Variants in ZZZ3 observed in about 807,000 individuals in gnomAD.
ZZZ3 encodes zinc finger ZZ-type containing 3.
A neutral mutation model predicts 95.2 loss-of-function variants in ZZZ3; 22 were observed. The observed-to-expected ratio is 0.23, with a 90% CI of 0.17 to 0.33. The LOEUF (loss-of-function observed/expected upper bound fraction) is 0.33, where lower values mean the gene tolerates loss of function less well. ZZZ3 is among the 10% of genes least tolerant of loss of function. The pLI is 1.00. For synonymous variants in ZZZ3, 335 were observed against 358.9 expected (o/e 0.93, Z 0.75); for missense variants, 885 against 1,066.5 (o/e 0.83, Z 2.37).
chr1:77,602,329 T>C (rs144618961), intron 5 of ZZZ3, among the ~76,000 whole-genome samples: 28 of 152,372 alleles, frequency 1.8e-4, no homozygotes, highest in African/African-American at 6.0e-4. Flanking sequence ...ACTTCATGTA[T>C]TCTTCTATGT....
chr1:77,582,265 G>A (rs1662600130), intron 6 of ZZZ3, 139 bp from the exon 7 acceptor site: 2 of 680,106 alleles, frequency 2.9e-6, no homozygotes, highest in South Asian at 6.1e-5. Flanking sequence ...AAATCCAAGA[G>A]ACAATAAAGT....
In ZZZ3 at chr1:77,564,153, T is replaced by C. The variant is rs1570374784; in HGVS notation, c.*1487A>G. On this transcript the variant is annotated 3_prime_UTR_variant, in exon 15 of 15. Coordinates refer to ENST00000370801, the MANE Select transcript of ZZZ3 (RefSeq NM_015534.6). ...TTCAAAAGCCATCTGTTTAAATACA[T>C]GGGGGCTTATCTTCATGAGACACAA... 1 of 152,094 alleles carries C rather than the reference T, an allele frequency of 6.6e-6. No homozygotes were observed. Among genetic ancestry groups the C allele is most frequent in the East Asian group, 1.9e-4 (1 of 5,196 alleles). The allele number at this position is 152,094 out of a possible 1,614,324, so 9.4% of individuals were successfully genotyped here. A position where few individuals can be genotyped will look rare whatever the true frequency, so the allele number is the denominator to read the frequency against.
intron 6 of ZZZ3, among the ~76,000 whole-genome samples, chr1:77,583,899 A>T (rs1438722487): frequency 2.6e-5 from 4 of 152,164 alleles, no homozygotes. Flanking sequence ...CATTATAAAA[A>T]CCTGTATCGC....
chr1:77,642,032 G>A (rs1668821394), intron 1 of ZZZ3, among the ~76,000 whole-genome samples: 1 of 151,740 alleles, frequency 6.6e-6, no homozygotes, highest in Admixed American at 6.6e-5. Flanking sequence ...TATATTTTAG[G>A]GAATAAATCT....
chr1:77,613,803 T>C (rs1428576794), intron 5 of ZZZ3, among the ~76,000 whole-genome samples: 1 of 152,126 alleles, frequency 6.6e-6, no homozygotes, highest in African/African-American at 2.4e-5. Flanking sequence ...ACTTTTCCCC[T>C]ATGTCGAATA....
intron 1 of ZZZ3, among the ~76,000 whole-genome samples, chr1:77,655,863 T>C (rs1267329252): frequency 1.3e-5 from 2 of 152,228 alleles, no homozygotes; most frequent in African/African-American, 2.4e-5. Flanking sequence ...ATATCATTCT[T>C]AGGTCCAAAC....
At chr1:77,682,258 T>C (rs1672844066) in intron 1 of ZZZ3, among the ~76,000 whole-genome samples, 1 of 152,190 alleles carries the variant, frequency 6.6e-6, no homozygotes, top group Non-Finnish European at 1.5e-5. Context: ...CGGTCTGGAA[T>C]ACTTTAGAAA....
At chr1:77,664,118 T>C (rs1671057705) in intron 1 of ZZZ3, among the ~76,000 whole-genome samples, 2 of 152,024 alleles carry the variant, frequency 1.3e-5, no homozygotes, top group South Asian at 4.1e-4. Flanking sequence ...CTACTCTTTC[T>C]GTTCTATTGT....
chr1:77,650,625 A>T (rs1412657540), intron 1 of ZZZ3, among the ~76,000 whole-genome samples: 1 of 151,994 alleles, frequency 6.6e-6, no homozygotes, highest in African/African-American at 2.4e-5. Context: ...TTAGAAAAAA[A>T]GGAAGGTCTC....
intron 12 of ZZZ3, among the ~76,000 whole-genome samples, chr1:77,574,113 T>C (rs961788364): frequency 6.1e-5 from 9 of 148,380 alleles, no homozygotes; most frequent in East Asian, 1.9e-4. Context: ...TCTATAGATA[T>C]AGATATATAT....
At chr1:77,646,392 TG>T (rs1387598872) in intron 1 of ZZZ3, among the ~76,000 whole-genome samples, 4 of 152,202 alleles carry the variant, frequency 2.6e-5, no homozygotes, top group Admixed American at 1.3e-4. Context: ...AGCTAATTTT[TG>T]TATTTTTTGT....
At position 77,563,095 on chromosome 1, in the gene ZZZ3, C is replaced by T. The variant is rs1188121058; in HGVS notation, c.*2545G>A. The stretch of plus-strand genomic sequence containing the variant: ...CAGTGTTTTCTATTATTATGCATCA[C>T]ACAAAAGGAAACCTCCTCTACCTAA... On this transcript the variant is annotated 3_prime_UTR_variant, in exon 15 of 15. Transcript: ENST00000370801. The T allele has an allele frequency of 6.6e-6, 1 of 152,166 alleles. No individual in the cohort carries two copies. Among genetic ancestry groups the T allele is most frequent in the Non-Finnish European group, 1.5e-5 (1 of 68,042 alleles). The allele number at this position is 152,166 out of a possible 1,614,324, so 9.4% of individuals were successfully genotyped here. A position where few individuals can be genotyped will look rare whatever the true frequency, so the allele number is the denominator to read the frequency against.
chr1:77,658,706 T>A (rs1386774087), intron 1 of ZZZ3, among the ~76,000 whole-genome samples: 1 of 152,192 alleles, frequency 6.6e-6, no homozygotes, highest in Non-Finnish European at 1.5e-5. Context: ...AAATAGTTTA[T>A]AATTTGACCA....
At chr1:77,580,710 A>G in intron 9 of ZZZ3, 1 of 257,850 alleles carries the variant, frequency 3.9e-6, no homozygotes, top group Non-Finnish European at 7.6e-6. Flanking sequence ...GCTCAATGCA[A>G]CCTCTGCCTC....
At chr1:77,636,988 G>A (rs1346438212) in intron 4 of ZZZ3, among the ~76,000 whole-genome samples, 1 of 152,112 alleles carries the variant, frequency 6.6e-6, no homozygotes, top group African/African-American at 2.4e-5. Flanking sequence ...GGATCCTTGT[G>A]GTACCTCAGG....
chr1:77,575,447 C>T (rs1432267004), intron 12 of ZZZ3, among the ~76,000 whole-genome samples: 1 of 152,132 alleles, frequency 6.6e-6, no homozygotes, highest in African/African-American at 2.4e-5. Flanking sequence ...TCCTGCCCAC[C>T]CTAACAAACA....
chr1:77,625,969 C>T (rs376185062), intron 5 of ZZZ3, among the ~76,000 whole-genome samples: 4 of 151,784 alleles, frequency 2.6e-5, no homozygotes, highest in African/African-American at 7.2e-5. Context: ...TGCACTCCAG[C>T]CTGGGTGACA....
At chr1:77,627,737 A>T (rs998132218) in intron 5 of ZZZ3, among the ~76,000 whole-genome samples, 1 of 152,198 alleles carries the variant, frequency 6.6e-6, no homozygotes, top group Middle Eastern at 3.2e-3. Flanking sequence ...CAGGTTCATT[A>T]TCTAGAAACT....
chr1:77,611,234 A>AC (rs1191992824), intron 5 of ZZZ3, among the ~76,000 whole-genome samples: 1 of 145,510 alleles, frequency 6.9e-6, no homozygotes. Context: ...ATACCTACCA[A>AC]AAAAAAAAAA....
Sources: gnomAD v4.1 joint callset for allele counts (sites outside exome capture counted in the v4.1 genomes callset) on GRCh38, gnomAD v4.1.1 for gene constraint, MANE v1.5 for transcripts, NCBI Gene and HGNC (gene_info 2026-07-23, HGNC 2026-07-21) for gene names.